Variants in PTPN11 observed in about 807,000 individuals in gnomAD.
The protein encoded by PTPN11 is protein tyrosine phosphatase non-receptor type 11, also known as tyrosine-protein phosphatase non-receptor type 11.
Under a neutral mutation model 78.8 loss-of-function variants are expected in PTPN11, and 6 were observed. The observed-to-expected ratio is 0.08, with a 90% CI of 0.04 to 0.15. PTPN11 has a LOEUF of 0.15. Among genes scored for constraint, PTPN11 ranks in the 10% least tolerant of loss-of-function variants. PTPN11 has a pLI of 1.00. For synonymous variants in PTPN11, 221 were observed against 263.5 expected (o/e 0.84, Z 1.56); for missense variants, 386 against 744.8 (o/e 0.52, Z 5.61).
At position 112,441,107 on chromosome 12, in the gene PTPN11, G is replaced by A. The variant is rs553190906; in HGVS notation, c.15-5169G>A. Among the ~76,000 whole-genome samples the A allele has an allele frequency of 3.9e-5, 6 of 151,916 alleles. No individual in the cohort carries two copies. In the South Asian group the frequency reaches 1.0e-3, roughly 26 times the overall value. On this transcript the variant is annotated intron_variant, in intron 1 of 15. Transcript: ENST00000351677. ...AGCCTCCTGAGTAACTGGGATTACAGGCATGCGCCACCATGCCCGGCTGAT... is the reference window on the plus strand; with the variant it reads ...AGCCTCCTGAGTAACTGGGATTACAAGCATGCGCCACCATGCCCGGCTGAT...
Position 112,453,404 on chromosome 12 carries a change from A to G in PTPN11, c.525+17A>G. The G allele has an allele frequency of 6.2e-7, 1 of 1,612,864 alleles. No individual in the cohort carries two copies. Among genetic ancestry groups the G allele is most frequent in the Non-Finnish European group, 8.5e-7 (1 of 1,179,094 alleles). ...CGCTGTCAGGTAAATCTCCAGTTGAAAAATGGGTCTGGCAAGATGTTACCT... is the reference window on the plus strand; with the variant it reads ...CGCTGTCAGGTAAATCTCCAGTTGAGAAATGGGTCTGGCAAGATGTTACCT... On this transcript the variant is annotated intron_variant, in intron 4 of 15. Coordinates refer to ENST00000351677, the MANE Select transcript of PTPN11 (RefSeq NM_002834.5).
At chr12:112,465,171 C>T (rs1387534041) in intron 6 of PTPN11, among the ~76,000 whole-genome samples, 1 of 152,108 alleles carries the variant, frequency 6.6e-6, no homozygotes, top group East Asian at 1.9e-4. Flanking sequence ...GTGGCTCACA[C>T]CTGTAATCCC....
chr12:112,493,807 C>A (rs1346014160), intron 13 of PTPN11, among the ~76,000 whole-genome samples: 1 of 152,192 alleles, frequency 6.6e-6, no homozygotes, highest in Non-Finnish European at 1.5e-5. Flanking sequence ...TTCCCTACCC[C>A]CAACCCCTGG....
At position 112,502,159 on chromosome 12, in the gene PTPN11, G is replaced by T. The variant is rs994138881; in HGVS notation, c.1615G>T (p.Gly539Trp). The T allele has an allele frequency of 6.2e-7, 1 of 1,613,354 alleles. No individual in the cohort carries two copies. Among genetic ancestry groups the T allele is most frequent in the African/African-American group, 1.3e-5 (1 of 74,850 alleles). The stretch of plus-strand genomic sequence containing the variant: ...CAAATTTCAGAAAAGCAAGAGGAAA[G>T]GGCACGAATATACAAATATTAAGTA... Reference protein sequence around the residue: ...IEEEQKSKRKGHEYTNIKYSL... With the variant: ...IEEEQKSKRKWHEYTNIKYSL... Residue 539 changes from glycine (G) to tryptophan (W), a missense_variant, in exon 14 of 16, where the codon GGG (glycine) becomes TGG (tryptophan). By Grantham distance (184) the Gly-to-Trp change is radical. Coordinates refer to ENST00000351677, the MANE Select transcript of PTPN11 (RefSeq NM_002834.5).
chr12:112,500,484 C>T (rs534713008), intron 13 of PTPN11, among the ~76,000 whole-genome samples: 35 of 152,242 alleles, frequency 2.3e-4, no homozygotes, highest in African/African-American at 7.9e-4. Context: ...CTTTGGATGT[C>T]TGTTTTGCAG....
intron 13 of PTPN11, 37 bp downstream of exon 13, chr12:112,489,212 T>C: frequency 6.2e-7 from 1 of 1,612,444 alleles, no homozygotes; most frequent in Non-Finnish European, 8.5e-7. Context: ...ATTCTCATTC[T>C]CTTGCTAGGC....
chr12:112,508,523 G>A lies in PTPN11; in HGVS notation c.*2731G>A, dbSNP rs768622106. 20 of 152,300 alleles carry A rather than the reference G, an allele frequency of 1.3e-4. No individual in the cohort carries two copies. The East Asian group carries it at 3.3e-3, about 25-fold the overall frequency. The allele number at this position is 152,300 out of a possible 1,614,324, so 9.4% of individuals were successfully genotyped here. On this transcript the variant is annotated 3_prime_UTR_variant, in exon 16 of 16. Coordinates refer to ENST00000351677, the MANE Select transcript of PTPN11 (RefSeq NM_002834.5). ...GGTGAATGAGGTTGTTTGGAAAGTC[G>A]GTGTGACAGACACATGGATGCCATC...
chr12:112,459,174 T>C (rs1193534821), intron 6 of PTPN11, among the ~76,000 whole-genome samples: 1 of 152,202 alleles, frequency 6.6e-6, no homozygotes, highest in Admixed American at 6.5e-5. Context: ...TTTCACTTCA[T>C]TTCACCTTCA....
chr12:112,492,704 A>G (rs2038762459), intron 13 of PTPN11, among the ~76,000 whole-genome samples: 1 of 151,978 alleles, frequency 6.6e-6, no homozygotes, highest in Admixed American at 6.6e-5. Context: ...TTTTTAGTAG[A>G]GACGGGGTCT....
At chr12:112,459,746 G>A (rs1310781192) in intron 6 of PTPN11, among the ~76,000 whole-genome samples, 2 of 152,124 alleles carry the variant, frequency 1.3e-5, no homozygotes, top group East Asian at 3.9e-4. Flanking sequence ...GGGATTGTAG[G>A]TGTGAGCCAC....
chr12:112,470,901 G>A (rs1273250657), intron 6 of PTPN11, among the ~76,000 whole-genome samples: 3 of 152,136 alleles, frequency 2.0e-5, no homozygotes, highest in Non-Finnish European at 4.4e-5. Context: ...TGCTAACACA[G>A]CAGTATTGCT....
intron 9 of PTPN11, 112 bp downstream of exon 9, chr12:112,478,127 C>G (rs1044318742): frequency 2.3e-5 from 29 of 1,281,108 alleles, no homozygotes; most frequent in Middle Eastern, 1.9e-4. Context: ...AACTGATTCT[C>G]TGGAAAAAAG....
intron 13 of PTPN11, among the ~76,000 whole-genome samples, chr12:112,495,222 T>C (rs2038799631): frequency 6.6e-6 from 1 of 152,260 alleles, no homozygotes; most frequent in African/African-American, 2.4e-5. Flanking sequence ...TAGAGTTTAA[T>C]TGGATTTTGC....
At chr12:112,465,990 A>T (rs1308374733) in intron 6 of PTPN11, among the ~76,000 whole-genome samples, 6 of 152,206 alleles carry the variant, frequency 3.9e-5, no homozygotes, top group Admixed American at 3.9e-4. Flanking sequence ...GCAAATACTG[A>T]TTGAACACCG....
chr12:112,496,168 G>A (rs566929195), intron 13 of PTPN11, among the ~76,000 whole-genome samples: 1 of 152,100 alleles, frequency 6.6e-6, no homozygotes, highest in African/African-American at 2.4e-5. Flanking sequence ...TATACTTTGG[G>A]TTATAATCTA....
At chr12:112,470,611 G>A (rs1009594003) in intron 6 of PTPN11, among the ~76,000 whole-genome samples, 43 of 152,260 alleles carry the variant, frequency 2.8e-4, no homozygotes, top group African/African-American at 1.0e-3. Flanking sequence ...AATTCACCTT[G>A]CATAGTGATT....
At chr12:112,490,242 T>G (rs1191798060) in intron 13 of PTPN11, among the ~76,000 whole-genome samples, 1 of 151,974 alleles carries the variant, frequency 6.6e-6, no homozygotes, top group Non-Finnish European at 1.5e-5. Context: ...GAGAAGGATC[T>G]CCTAGTAAAT....
chr12:112,431,423 C>T (rs1224608741), intron 1 of PTPN11, among the ~76,000 whole-genome samples: 1 of 152,104 alleles, frequency 6.6e-6, no homozygotes, highest in Non-Finnish European at 1.5e-5. Context: ...ATAGATGTGT[C>T]CTTCACCCTC....
chr12:112,452,433 T>G (rs1394343052), intron 3 of PTPN11, among the ~76,000 whole-genome samples: 1 of 151,716 alleles, frequency 6.6e-6, no homozygotes, highest in Non-Finnish European at 1.5e-5. Context: ...ACCATGTTGG[T>G]CAGGCTGGTC....
Sources: gnomAD v4.1 joint callset for allele counts (sites outside exome capture counted in the v4.1 genomes callset) on GRCh38, gnomAD v4.1.1 for gene constraint, MANE v1.5 for transcripts, NCBI Gene and HGNC (gene_info 2026-07-23, HGNC 2026-07-21) for gene names.